The following KIAA1671 variants were observed in gnomAD, a reference collection of about 807,000 sequenced individuals.
The protein encoded by KIAA1671 is uncharacterized protein KIAA1671.
Under a neutral mutation model 131.2 loss-of-function variants are expected in KIAA1671, and 52 were observed. The observed-to-expected ratio is 0.40, with a 90% CI of 0.32 to 0.50. KIAA1671 has a LOEUF of 0.50. KIAA1671 is among the 20% of genes least tolerant of loss of function. KIAA1671 has a pLI of 0.73. For missense variants in KIAA1671, 2,360 were observed against 2,364.2 expected, an observed-to-expected ratio of 1.00 and a Z score of 0.04; for synonymous variants, 1,003 against 961.6, an observed-to-expected ratio of 1.04 and a Z score of -0.80.
In KIAA1671 at chr22:25,177,491, T is replaced by G; in HGVS notation, c.5043T>G (p.Thr1681=). ...SESRSPLEDE[T]DNTWMFKDST... is the part of the protein sequence containing the mutation. ...GCAGATCACCTTTGGAGGATGAGACTGACAACACGTGGATGTTCAAAGACT... is the reference window on the plus strand; with the variant it reads ...GCAGATCACCTTTGGAGGATGAGACGGACAACACGTGGATGTTCAAAGACT... The change falls in exon 9 of 13, where the codon ACT becomes ACG. Residue 1681 remains threonine (T), a synonymous_variant. Coordinates refer to ENST00000358431, the MANE Select transcript of KIAA1671 (RefSeq NM_001145206.2). 3 of 1,551,616 alleles carry G rather than the reference T, an allele frequency of 1.9e-6. No homozygotes were observed. The highest frequency in any genetic ancestry group is 2.6e-6 in the Non-Finnish European group (3 of 1,146,882).
chr22:24,991,746 C>T (rs1602051521), intron 1 of KIAA1671, among the ~76,000 whole-genome samples: 1 of 151,868 alleles, frequency 6.6e-6, no homozygotes, highest in African/African-American at 2.4e-5. Flanking sequence ...CAGGTGTGAG[C>T]CACTGTGCCT....
At chr22:25,057,254 G>A (rs1602104422) in intron 6 of KIAA1671, 1 of 152,386 alleles carries the variant, frequency 6.6e-6, no homozygotes, top group African/African-American at 2.4e-5. Context: ...AGGATCCCCA[G>A]GTGGAAGAAG....
intron 1 of KIAA1671, among the ~76,000 whole-genome samples, chr22:25,018,743 C>A (rs1332364656): frequency 2.6e-5 from 4 of 152,120 alleles, no homozygotes; most frequent in African/African-American, 9.7e-5. Context: ...GAATTTCCTT[C>A]CTTTTGAAGG....
chr22:25,102,780 T>A (rs1186346992), intron 6 of KIAA1671: 1 of 152,534 alleles, frequency 6.6e-6, no homozygotes, highest in African/African-American at 2.4e-5. Context: ...GCACAAATTA[T>A]CTCAGTTGTT....
At chr22:25,153,232 A>G (rs556811471) in intron 6 of KIAA1671, among the ~76,000 whole-genome samples, 3 of 152,262 alleles carry the variant, frequency 2.0e-5, no homozygotes, top group Admixed American at 6.5e-5. Context: ...CCAAGAAACA[A>G]TTTTCCCCGC....
chr22:25,035,987 C>G (rs937880207), intron 4 of KIAA1671, among the ~76,000 whole-genome samples: 5 of 152,198 alleles, frequency 3.3e-5, no homozygotes, highest in African/African-American at 1.2e-4. Context: ...GGGAAGATTG[C>G]TTGAGGCCAG....
In KIAA1671 at chr22:25,179,959, A is replaced by G. The variant is rs11912526; in HGVS notation, c.5075-1740A>G. ...ACCTGAGCTGAATCTTGAAGAATGGATAATAATGAGTTAGGGAAAGTTATT... is the reference window on the plus strand; with the variant it reads ...ACCTGAGCTGAATCTTGAAGAATGGGTAATAATGAGTTAGGGAAAGTTATT... On this transcript the variant is annotated intron_variant, in intron 9 of 12. Transcript: ENST00000358431. Among the ~76,000 whole-genome samples, 494 of 152,344 alleles carry G rather than the reference A, an allele frequency of 3.2e-3. 1 individual carries two copies. The highest frequency in any genetic ancestry group is 0.011 in the African/African-American group (463 of 41,578).
intron 6 of KIAA1671, among the ~76,000 whole-genome samples, chr22:25,123,052 CA>C (rs1424988199): frequency 6.6e-6 from 1 of 152,156 alleles, no homozygotes; most frequent in Non-Finnish European, 1.5e-5. Flanking sequence ...AAGGCACAGT[CA>C]AACATGATAG....
At chr22:25,026,041 T>C (rs1015051078) in intron 2 of KIAA1671, among the ~76,000 whole-genome samples, 1 of 152,254 alleles carries the variant, frequency 6.6e-6, no homozygotes, top group African/African-American at 2.4e-5. Context: ...TCTTTGTGTA[T>C]GGAAATTCTC....
At chr22:25,054,331 G>A (rs930615961) in intron 6 of KIAA1671, 1 of 149,202 alleles carries the variant, frequency 6.7e-6, no homozygotes, top group African/African-American at 2.5e-5. Flanking sequence ...ACAGAAATTT[G>A]CTTTCTCACA....
Position 25,028,428 on chromosome 22 carries a change from C to A in KIAA1671, c.429C>A (p.Thr143=). 6.4e-7 allele frequency: 1 copy of A among 1,550,994 alleles called. No homozygotes were observed. The highest frequency in any genetic ancestry group is 8.7e-7 in the Non-Finnish European group (1 of 1,146,794). The change falls in exon 3 of 13, where the codon ACC becomes ACA. Residue 143 remains threonine (T), a synonymous_variant. Coordinates refer to ENST00000358431, the MANE Select transcript of KIAA1671 (RefSeq NM_001145206.2). ...TGTTCCTGCGGCCCAGCTCCAGCAC[C>A]ATGATTCTCTTCGAAACCACCAAAA... ...KAVFLRPSSS[T]MILFETTKSG...
chr22:25,088,208 A>G (rs899028372), intron 6 of KIAA1671, among the ~76,000 whole-genome samples: 9 of 151,832 alleles, frequency 5.9e-5, no homozygotes, highest in African/African-American at 1.9e-4. Context: ...CTGAGGTTCA[A>G]GCGATCCTCG....
intron 1 of KIAA1671, among the ~76,000 whole-genome samples, chr22:25,018,811 G>A (rs1249756529): frequency 6.6e-6 from 1 of 152,090 alleles, no homozygotes; most frequent in Non-Finnish European, 1.5e-5. Flanking sequence ...ATCCATTGAT[G>A]GACATTTAAT....
At chr22:25,083,902 C>T (rs568444135) in intron 6 of KIAA1671, among the ~76,000 whole-genome samples, 55 of 152,346 alleles carry the variant, frequency 3.6e-4, no homozygotes, top group African/African-American at 1.3e-3. Flanking sequence ...GGGGCCACCC[C>T]CTTCCAGCTC....
intron 5 of KIAA1671, among the ~76,000 whole-genome samples, chr22:25,041,977 C>T (rs1034439107): frequency 5.3e-5 from 8 of 152,156 alleles, no homozygotes; most frequent in Admixed American, 2.0e-4. Context: ...CTCCTGGGCT[C>T]AAGTGATCCT....
chr22:25,099,545 GTTTTTTTTTTTTTTTTTTTT>G (rs58721361), intron 6 of KIAA1671, among the ~76,000 whole-genome samples: 12 of 35,356 alleles, frequency 3.4e-4, no homozygotes, highest in Non-Finnish European at 5.0e-4. Flanking sequence ...GGGTTTTTTT[GTTTTTTTTTTTTTTTTTTTT>G]TTTTTTTTAG....
chr22:25,049,572 C>T, intron 6 of KIAA1671: 1 of 535,748 alleles, frequency 1.9e-6, no homozygotes, highest in Non-Finnish European at 3.2e-6. Flanking sequence ...CTGGGGAAAC[C>T]TTCTTCCTCT....
chr22:24,961,361 C>T lies in KIAA1671; in HGVS notation c.-208+8589C>T, dbSNP rs114065115. Among the ~76,000 whole-genome samples the T allele has an allele frequency of 6.7e-3, 1,026 of 152,298 alleles. 10 individuals are homozygous for T. Among genetic ancestry groups the T allele is most frequent in the African/African-American group, 0.023 (945 of 41,566 alleles). On this transcript the variant is annotated intron_variant, in intron 1 of 12. Transcript: ENST00000358431. ...CGGAAGATATTTGCCCATGTACACA[C>T]GAGTCTTTCTGGACATACGTGGTCC...
intron 1 of KIAA1671, chr22:25,011,581 C>T (rs942229528): frequency 6.6e-6 from 1 of 151,944 alleles, no homozygotes; most frequent in Non-Finnish European, 1.5e-5. Context: ...GCCACTGAGC[C>T]TGGCCTGCCT....
Sources: allele counts gnomAD v4.1 joint callset (sites outside exome capture counted in the v4.1 genomes callset), GRCh38; gene constraint gnomAD v4.1.1; transcripts MANE v1.5; gene names NCBI Gene and HGNC (gene_info 2026-07-23, HGNC 2026-07-21).